Variants in ZNF423 observed in about 807,000 individuals in gnomAD.
ZNF423 encodes Ebf-associated zinc finger protein.
ZNF423 carries 12 observed loss-of-function variants against 95.8 expected under a neutral mutation model. The ratio of observed to expected loss-of-function variants is 0.13; its 90% CI spans 0.08 to 0.20. ZNF423 has a LOEUF of 0.20. Ranked by LOEUF, ZNF423 falls within the 10% of genes least tolerant of loss-of-function variation. The pLI, the probability that ZNF423 is intolerant of heterozygous loss-of-function variation, is 1.00. For synonymous variants in ZNF423, 749 were observed against 711.9 expected (o/e 1.05, Z -0.83); for missense variants, 1,316 against 1,737.1 (o/e 0.76, Z 4.31).
At chr16:49,543,375 A>G (rs1303931200) in intron 5 of ZNF423, among the ~76,000 whole-genome samples, 1 of 151,942 alleles carries the variant, frequency 6.6e-6, no homozygotes, top group African/African-American at 2.4e-5. Flanking sequence ...CATCGGTGCC[A>G]GCCCCATCTC....
At chr16:49,780,774 G>C (rs1173153658) in intron 2 of ZNF423, among the ~76,000 whole-genome samples, 3 of 152,218 alleles carry the variant, frequency 2.0e-5, no homozygotes, top group Non-Finnish European at 4.4e-5. Context: ...CTCCCCACAG[G>C]CTCCCCAGCC....
At position 49,698,006 on chromosome 16, in the gene ZNF423, CGTGT is replaced by C. The variant is rs113368908; in HGVS notation, c.301+32761_301+32764del. Among the ~76,000 whole-genome samples the C allele has an allele frequency of 5.9e-5, 9 of 151,554 alleles. No homozygotes were observed. The South Asian group carries it at 1.7e-3, about 28-fold the overall frequency. ...TTCCCCACAGCAGCATCTGGGGGTG[CGTGT>C]GTGTGTGTGTGCAGGGACCAGCCCG... On this transcript the variant is annotated intron_variant, in intron 3 of 7. Coordinates refer to ENST00000563137, the MANE Select transcript of ZNF423 (RefSeq NM_001379286.1).
chr16:49,583,599 A>G (rs996390009), intron 5 of ZNF423, among the ~76,000 whole-genome samples: 2 of 152,250 alleles, frequency 1.3e-5, no homozygotes, highest in Middle Eastern at 3.2e-3. Context: ...ACACACATAT[A>G]TATATACACA....
intron 2 of ZNF423, among the ~76,000 whole-genome samples, chr16:49,757,945 C>A (rs1287823928): frequency 6.6e-6 from 1 of 152,176 alleles, no homozygotes; most frequent in Non-Finnish European, 1.5e-5. Context: ...CCTGTGGTCA[C>A]CCTGGTTCAG....
chr16:49,766,763 G>C (rs2033936775), intron 2 of ZNF423, among the ~76,000 whole-genome samples: 1 of 152,160 alleles, frequency 6.6e-6, no homozygotes, highest in South Asian at 2.1e-4. Context: ...GTCCCTCAGA[G>C]GCCAGGCTCA....
chr16:49,659,530 G>A (rs756225160), intron 3 of ZNF423, among the ~76,000 whole-genome samples: 2 of 152,232 alleles, frequency 1.3e-5, no homozygotes, highest in Non-Finnish European at 1.5e-5. Flanking sequence ...GGCAGAGTCC[G>A]GCAGAGCCAG....
intron 3 of ZNF423, among the ~76,000 whole-genome samples, chr16:49,652,949 G>A (rs537421887): frequency 6.6e-6 from 1 of 152,310 alleles, no homozygotes; most frequent in South Asian, 2.1e-4. Context: ...GGAGTGAACA[G>A]AGAAACAAGT....
intron 3 of ZNF423, among the ~76,000 whole-genome samples, chr16:49,642,144 T>A (rs1283864390): frequency 6.6e-6 from 1 of 152,224 alleles, no homozygotes; most frequent in African/African-American, 2.4e-5. Context: ...GTGCTAAGTA[T>A]GTCTATTATC....
intron 3 of ZNF423, among the ~76,000 whole-genome samples, chr16:49,712,067 T>G (rs191397715): frequency 1.3e-5 from 2 of 152,220 alleles, no homozygotes; most frequent in Non-Finnish European, 2.9e-5. Context: ...CAGTGAGCTA[T>G]GTTCACACCA....
At chr16:49,708,798 C>T (rs189458126) in intron 3 of ZNF423, among the ~76,000 whole-genome samples, 63 of 152,352 alleles carry the variant, frequency 4.1e-4, no homozygotes, top group African/African-American at 1.5e-3. Context: ...CCCCCCAGCA[C>T]ACCCTCAGCT....
intron 1 of ZNF423, among the ~76,000 whole-genome samples, chr16:49,828,081 C>T (rs1472642337): frequency 6.6e-6 from 1 of 152,234 alleles, no homozygotes; most frequent in Non-Finnish European, 1.5e-5. Context: ...CAGTGGCCTC[C>T]TGCCCAAAGA....
chr16:49,626,035 C>T (rs1972251856), intron 5 of ZNF423, 135 bp downstream of exon 5: 2 of 795,600 alleles, frequency 2.5e-6, no homozygotes. Flanking sequence ...ATTTTCACTC[C>T]CATGTGCAAT....
intron 1 of ZNF423, among the ~76,000 whole-genome samples, chr16:49,798,800 T>G (rs927216211): frequency 6.6e-6 from 1 of 152,156 alleles, no homozygotes; most frequent in African/African-American, 2.4e-5. Flanking sequence ...TACTACAGAC[T>G]CCTCATAAAC....
chr16:49,815,870 C>CAAACAAACA lies in ZNF423; in HGVS notation c.41-26325_41-26324insTGTTTGTTT, dbSNP rs1567355991. On this transcript the variant is annotated intron_variant, in intron 1 of 7. Transcript: ENST00000563137. ...GTGTTACATTCTAATTCCAAACAAA[C>CAAACAAACA]AAAAAAAAAAAATATATATATATAT... Among the ~76,000 whole-genome samples the CAAACAAACA allele has an allele frequency of 2.5e-4, 10 of 39,528 alleles. No individual in the cohort carries two copies. In the South Asian group the frequency reaches 7.6e-3, roughly 30 times the overall value. 25.9% of individuals were successfully genotyped at this position (39,528 alleles called of 152,430 possible). A position where few individuals can be genotyped will look rare whatever the true frequency, so the allele number is the denominator to read the frequency against.
At chr16:49,679,218 G>C (rs926022850) in intron 3 of ZNF423, among the ~76,000 whole-genome samples, 1 of 152,232 alleles carries the variant, frequency 6.6e-6, no homozygotes. Context: ...AGTCTGGAGC[G>C]ACCGCTGCAA....
At chr16:49,820,722 G>T (rs1042791397) in intron 1 of ZNF423, among the ~76,000 whole-genome samples, 1 of 152,110 alleles carries the variant, frequency 6.6e-6, no homozygotes, top group Non-Finnish European at 1.5e-5. Context: ...TAAGAATCTC[G>T]TTTCATTCTA....
chr16:49,759,291 C>T lies in ZNF423; in HGVS notation c.101-28320G>A, dbSNP rs570967709. 2.6e-5 allele frequency among the ~76,000 whole-genome samples: 4 copies of T among 151,978 alleles called. No individual in the cohort carries two copies. In the East Asian group the frequency reaches 5.8e-4, roughly 22 times the overall value. Reference sequence around the variant, plus strand: ...GTGCACACCTGTAATTCCAGCTACTCGGGAGGCTGGGGCAGGAGAATCGCT... The same window carrying T: ...GTGCACACCTGTAATTCCAGCTACTTGGGAGGCTGGGGCAGGAGAATCGCT... On this transcript the variant is annotated intron_variant, in intron 2 of 7. Coordinates refer to ENST00000563137, the MANE Select transcript of ZNF423 (RefSeq NM_001379286.1).
intron 7 of ZNF423, among the ~76,000 whole-genome samples, chr16:49,507,057 C>T (rs543780703): frequency 6.6e-6 from 1 of 152,264 alleles, no homozygotes; most frequent in Non-Finnish European, 1.5e-5. Context: ...CAAATCTTGC[C>T]TTGGCTAATT....
Position 49,702,933 on chromosome 16 carries a change from A to G in ZNF423, c.301+27838T>C, listed in dbSNP as rs866385420. ...CGCACACACACACACACACACACAC[A>G]CACACACACACACACACTCCATGGC... is the stretch of plus-strand genomic sequence containing the variant. On this transcript the variant is annotated intron_variant, in intron 3 of 7. Transcript: ENST00000563137. 2.2e-3 allele frequency among the ~76,000 whole-genome samples: 315 copies of G among 144,418 alleles called. 3 individuals carry two copies. The highest frequency in any genetic ancestry group is 0.018 in the South Asian group (63 of 3,598). The allele number at this position is 144,418 out of a possible 152,430, so 94.7% of individuals were successfully genotyped here.
Sources: gnomAD v4.1 joint callset for allele counts (sites outside exome capture counted in the v4.1 genomes callset) on GRCh38, gnomAD v4.1.1 for gene constraint, MANE v1.5 for transcripts, NCBI Gene and HGNC (gene_info 2026-07-23, HGNC 2026-07-21) for gene names.